The following STX8 variants were observed in gnomAD, a reference collection of about 807,000 sequenced individuals.
STX8 encodes syntaxin 8, also known as syntaxin-8.
A neutral mutation model predicts 37.5 loss-of-function variants in STX8; 23 were observed. The ratio of observed to expected loss-of-function variants is 0.61; its 90% CI spans 0.44 to 0.87. STX8 has a LOEUF of 0.87. Ranked by LOEUF, STX8 falls within the 40% of genes least tolerant of loss-of-function variation. The pLI is 0.00. For missense variants in STX8, 313 were observed against 284.7 expected, an observed-to-expected ratio of 1.10 and a Z score of -0.71; for synonymous variants, 115 against 99.1, an observed-to-expected ratio of 1.16 and a Z score of -0.95.
intron 4 of STX8, among the ~76,000 whole-genome samples, chr17:9,539,805 T>C (rs1224719434): frequency 6.6e-6 from 1 of 152,136 alleles, no homozygotes; most frequent in Non-Finnish European, 1.5e-5. Flanking sequence ...TCTCTGCAAG[T>C]CATTGGAGAT....
At chr17:9,401,827 A>C (rs1401275910) in intron 6 of STX8, among the ~76,000 whole-genome samples, 1 of 152,198 alleles carries the variant, frequency 6.6e-6, no homozygotes, top group Admixed American at 6.5e-5. Flanking sequence ...GTTTTAAAAA[A>C]ACAAGTAACT....
chr17:9,370,947 T>C (rs1365335830), intron 7 of STX8, among the ~76,000 whole-genome samples: 4 of 152,078 alleles, frequency 2.6e-5, no homozygotes, highest in African/African-American at 9.7e-5. Context: ...AGTATTGTTT[T>C]CTACTTGATG....
At chr17:9,555,895 C>CAA (rs1002394213) in intron 3 of STX8, among the ~76,000 whole-genome samples, 3,695 of 92,052 alleles carry the variant, frequency 0.04, 55 homozygotes, top group Middle Eastern at 0.066. Context: ...GACTCCGTCT[C>CAA]AAAAAAAAAA....
intron 6 of STX8, among the ~76,000 whole-genome samples, chr17:9,430,518 G>A (rs551567331): frequency 6.6e-6 from 1 of 151,732 alleles, no homozygotes; most frequent in East Asian, 1.9e-4. Flanking sequence ...ATGTCTTCCA[G>A]GTTCATATAT....
At chr17:9,490,448 C>G (rs1407967984) in intron 6 of STX8, among the ~76,000 whole-genome samples, 4 of 152,066 alleles carry the variant, frequency 2.6e-5, no homozygotes, top group African/African-American at 9.7e-5. Flanking sequence ...CTCGGCTCAC[C>G]ACAACCTCCG....
rs1907544957 is a variant in STX8, at chr17:9,568,441, A to G, written c.47T>C (p.Ile16Thr). ...WFSTYDSTCQ[I>T]AQEIAEKIQQ... ...AATTTTCTCAGCAATTTCTTGGGCA[A>G]TTTGACAAGTAGAATCGTATGTGGA... The change falls in exon 2 of 8, where the codon ATT becomes ACT. Residue 16 changes from isoleucine (I) to threonine (T), a missense_variant. Ile to Thr is a moderately conservative substitution (Grantham distance 89). Coordinates refer to ENST00000306357, the MANE Select transcript of STX8 (RefSeq NM_004853.3). 6.2e-7 allele frequency: 1 copy of G among 1,612,920 alleles called. No individual in the cohort carries two copies. The highest frequency in any genetic ancestry group is 2.2e-5 in the East Asian group (1 of 44,882).
At chr17:9,476,449 CTTTTT>C (rs539953464) in intron 6 of STX8, among the ~76,000 whole-genome samples, 2 of 147,634 alleles carry the variant, frequency 1.4e-5, no homozygotes, top group Non-Finnish European at 3.0e-5. Context: ...TTCTTCTTTT[CTTTTT>C]TTTTTCTTTT....
chr17:9,557,576 A>C (rs1412708357), intron 2 of STX8, 48 bp from the exon 3 acceptor site: 4 of 1,537,456 alleles, frequency 2.6e-6, no homozygotes, highest in Non-Finnish European at 3.6e-6. Context: ...AGAATGTAGA[A>C]TCCACAAAAT....
At chr17:9,301,596 C>CT (rs201550857) in intron 7 of STX8, among the ~76,000 whole-genome samples, 4,769 of 151,876 alleles carry the variant, frequency 0.031, 245 homozygotes, top group African/African-American at 0.11. Flanking sequence ...CATTCTCCTG[C>CT]TTCAGCCTCC....
intron 4 of STX8, among the ~76,000 whole-genome samples, chr17:9,516,819 T>G (rs775609358): frequency 2.0e-5 from 3 of 152,142 alleles, no homozygotes; most frequent in Non-Finnish European, 2.9e-5. Flanking sequence ...TAAGAGAGCA[T>G]CTAGCTTTGT....
chr17:9,499,753 A>G (rs1197095972), intron 5 of STX8, among the ~76,000 whole-genome samples: 1 of 152,170 alleles, frequency 6.6e-6, no homozygotes, highest in East Asian at 1.9e-4. Context: ...ACTGACCTGC[A>G]ACCTGCGCTG....
At chr17:9,280,514 T>C (rs1002360954) in intron 7 of STX8, among the ~76,000 whole-genome samples, 15 of 152,248 alleles carry the variant, frequency 9.9e-5, no homozygotes, top group African/African-American at 3.1e-4. Flanking sequence ...GATCGCACCA[T>C]TGCGCTCCAG....
chr17:9,486,014 A>G (rs1370029892), intron 6 of STX8, among the ~76,000 whole-genome samples: 2 of 152,234 alleles, frequency 1.3e-5, no homozygotes, highest in Non-Finnish European at 2.9e-5. Flanking sequence ...CCAAGCATCC[A>G]AAACAGTGAA....
intron 7 of STX8, among the ~76,000 whole-genome samples, chr17:9,285,054 T>C (rs1908026612): frequency 6.6e-6 from 1 of 152,194 alleles, no homozygotes; most frequent in Non-Finnish European, 1.5e-5. Flanking sequence ...CCCCTGGAGA[T>C]TCTGATTCAG....
At chr17:9,423,407 C>T (rs1481217261) in intron 6 of STX8, among the ~76,000 whole-genome samples, 1 of 152,194 alleles carries the variant, frequency 6.6e-6, no homozygotes, top group African/African-American at 2.4e-5. Context: ...CTCACTGCAA[C>T]CTCTGCCTCC....
intron 7 of STX8, among the ~76,000 whole-genome samples, chr17:9,324,398 G>C (rs1460654953): frequency 6.6e-6 from 1 of 152,090 alleles, no homozygotes; most frequent in Non-Finnish European, 1.5e-5. Context: ...CATTCCAGGG[G>C]ATGCTGACAG....
chr17:9,403,640 C>CT lies in STX8; in HGVS notation c.542-24988dup, dbSNP rs58822740. On this transcript the variant is annotated intron_variant, in intron 6 of 7. Transcript: ENST00000306357. ...CGACACCCAGCAAAGTTGAACATCA[C>CT]TTTTTTTTTTTTATTTTTTCCCCTG... Among the ~76,000 whole-genome samples, 613 of 147,394 alleles carry CT rather than the reference C, an allele frequency of 4.2e-3. 1 individual carries two copies. Among genetic ancestry groups the CT allele is most frequent in the African/African-American group, 0.011 (452 of 40,452 alleles).
At chr17:9,561,151 C>T (rs1907215791) in intron 2 of STX8, among the ~76,000 whole-genome samples, 1 of 151,840 alleles carries the variant, frequency 6.6e-6, no homozygotes. Context: ...ATTTATAAAA[C>T]CTCTGCATGT....
intron 4 of STX8, among the ~76,000 whole-genome samples, chr17:9,540,188 T>C (rs1020365173): frequency 6.6e-6 from 1 of 152,190 alleles, no homozygotes; most frequent in Non-Finnish European, 1.5e-5. Context: ...AGCAGTCCAC[T>C]TCAGCTTTAG....
Sources: allele counts gnomAD v4.1 joint callset (sites outside exome capture counted in the v4.1 genomes callset), GRCh38; gene constraint gnomAD v4.1.1; transcripts MANE v1.5; gene names NCBI Gene and HGNC (gene_info 2026-07-23, HGNC 2026-07-21).